Variants in CDH1 observed in about 807,000 individuals in gnomAD.
CDH1 encodes cadherin-1.
CDH1 carries 35 observed loss-of-function variants against 84.5 expected under a neutral mutation model. The ratio of observed to expected loss-of-function variants is 0.41; its 90% CI spans 0.32 to 0.55. CDH1 has a LOEUF of 0.55. CDH1 is among the 20% of genes least tolerant of loss of function. The probability of loss-of-function intolerance (pLI) is 0.19; values close to 1 mark genes in which losing one functional copy is unlikely to be tolerated. For missense variants in CDH1, 994 were observed against 1,126.6 expected, an observed-to-expected ratio of 0.88 and a Z score of 1.68; for synonymous variants, 417 against 439.0, an observed-to-expected ratio of 0.95 and a Z score of 0.63.
chr16:68,782,034 G>T, intron 2 of CDH1, among the ~76,000 whole-genome samples: 1 of 152,194 alleles, frequency 6.6e-6, no homozygotes, highest in Non-Finnish European at 1.5e-5. Flanking sequence ...CCTGAGAAGG[G>T]AGTGGTTGGT....
At chr16:68,741,849 T>C (rs1962572070) in intron 2 of CDH1, among the ~76,000 whole-genome samples, 1 of 152,136 alleles carries the variant, frequency 6.6e-6, no homozygotes, top group Non-Finnish European at 1.5e-5. Flanking sequence ...CTTTGTATTT[T>C]TAGTAGAGAC....
At chr16:68,753,171 C>CACTCCAGAT (rs2152117730) in intron 2 of CDH1, among the ~76,000 whole-genome samples, 1 of 137,128 alleles carries the variant, frequency 7.3e-6, no homozygotes, top group South Asian at 2.4e-4. Context: ...TGAGATCGCG[C>CACTCCAGAT]CACTGCACTC....
chr16:68,737,536 C>T (rs982731529), intron 1 of CDH1, 73 bp downstream of exon 1: 3 of 1,319,468 alleles, frequency 2.3e-6, no homozygotes, highest in Admixed American at 4.0e-5. Flanking sequence ...TGCGCCCCTT[C>T]CTCTCCCGTC....
At chr16:68,753,451 A>C (rs1268265896) in intron 2 of CDH1, among the ~76,000 whole-genome samples, 1 of 151,266 alleles carries the variant, frequency 6.6e-6, no homozygotes, top group Non-Finnish European at 1.5e-5. Flanking sequence ...GGTTCAAGCG[A>C]TTCTCCTGCC....
At chr16:68,749,697 T>C (rs1962838665) in intron 2 of CDH1, among the ~76,000 whole-genome samples, 1 of 152,238 alleles carries the variant, frequency 6.6e-6, no homozygotes, top group African/African-American at 2.4e-5. Context: ...GTTGCACTGC[T>C]TGCCACCAAG....
At chr16:68,739,479 G>A (rs1185431424) in intron 2 of CDH1, among the ~76,000 whole-genome samples, 4 of 152,006 alleles carry the variant, frequency 2.6e-5, no homozygotes, top group Admixed American at 6.6e-5. Context: ...TGCCCATGCT[G>A]GTGTTGAACT....
rs541049055 is a variant in CDH1, at chr16:68,753,410, A to G, written c.163+14999A>G. On this transcript the variant is annotated intron_variant, in intron 2 of 15. Transcript: ENST00000261769. ...CACCCAGGCTGGAGGGCAGTGGTGC[A>G]ATCTTGGCTCACTGCAACCTCTGCC... Among the ~76,000 whole-genome samples, 72 of 149,708 alleles carry G rather than the reference A, an allele frequency of 4.8e-4. No homozygotes were observed. The East Asian group carries it at 9.2e-3, about 19-fold the overall frequency.
At chr16:68,785,920 G>A (rs892988303) in intron 2 of CDH1, among the ~76,000 whole-genome samples, 6 of 152,096 alleles carry the variant, frequency 3.9e-5, no homozygotes, top group Admixed American at 1.3e-4. Context: ...GTTTCACATC[G>A]GAAAATGGGA....
intron 2 of CDH1, among the ~76,000 whole-genome samples, chr16:68,760,075 C>CATATATAT (rs71382069): frequency 4.7e-5 from 6 of 127,546 alleles, no homozygotes; most frequent in African/African-American, 1.1e-4. Context: ...TAAAGTATTC[C>CATATATAT]ATATATATAT....
At chr16:68,787,940 C>T (rs60659378) in intron 2 of CDH1, among the ~76,000 whole-genome samples, 261 of 151,118 alleles carry the variant, frequency 1.7e-3, no homozygotes, top group African/African-American at 5.9e-3. Flanking sequence ...ATTCTCCTGC[C>T]TCAGCCTCCT....
intron 11 of CDH1, 88 bp downstream of exon 11, chr16:68,819,513 C>A: frequency 7.4e-7 from 1 of 1,346,740 alleles, no homozygotes; most frequent in South Asian, 1.2e-5. Context: ...GGGAAGAGTT[C>A]ATTCTTTTTC....
At chr16:68,826,437 C>T (rs1961324450) in intron 13 of CDH1, 1 of 152,148 alleles carries the variant, frequency 6.6e-6, no homozygotes, top group African/African-American at 2.4e-5. Context: ...GTGAGCCACT[C>T]CTCCGGCCAA....
chr16:68,790,245 T>G (rs34097984), intron 2 of CDH1, among the ~76,000 whole-genome samples: 40,961 of 152,040 alleles, frequency 0.27, 5,680 homozygotes, highest in Middle Eastern at 0.32. Flanking sequence ...TGCCCTTTCC[T>G]GCACGGGGCA....
At chr16:68,785,715 C>A (rs941492493) in intron 2 of CDH1, among the ~76,000 whole-genome samples, 1 of 151,696 alleles carries the variant, frequency 6.6e-6, no homozygotes, top group African/African-American at 2.4e-5. Context: ...TCTTGACGAT[C>A]ATTCCCCTGC....
intron 10 of CDH1, 139 bp downstream of exon 10, chr16:68,815,898 C>T (rs868550760): frequency 9.4e-7 from 1 of 1,061,472 alleles, no homozygotes; most frequent in Non-Finnish European, 1.4e-6. Context: ...TTTTTATTCC[C>T]TTTATCTGTG....
Position 68,768,520 on chromosome 16 carries a change from A to G in CDH1, c.163+30109A>G, listed in dbSNP as rs12444784. ...CATTGATATTTGTCATTTTGCAGCT[A>G]ATACATGTTAGTTGTGGGGAAAACT... On this transcript the variant is annotated intron_variant, in intron 2 of 15. Transcript: ENST00000261769. 9.6e-3 allele frequency among the ~76,000 whole-genome samples: 1,464 copies of G among 152,280 alleles called. 54 individuals are homozygous for G. Among genetic ancestry groups the G allele is most frequent in the East Asian group, 0.085 (439 of 5,168 alleles).
At chr16:68,743,334 T>C (rs1381951828) in intron 2 of CDH1, among the ~76,000 whole-genome samples, 1 of 25,824 alleles carries the variant, frequency 3.9e-5, no homozygotes, top group Non-Finnish European at 9.2e-5. Context: ...TTTCTTTCTT[T>C]CTTTCTTTCT....
At chr16:68,814,000 G>A (rs1251673994) in intron 9 of CDH1, among the ~76,000 whole-genome samples, 2 of 152,126 alleles carry the variant, frequency 1.3e-5, no homozygotes, top group Non-Finnish European at 2.9e-5. Context: ...ACTTTGGGAG[G>A]CCAAGGCGGG....
chr16:68,767,540 G>C (rs1423465908), intron 2 of CDH1, among the ~76,000 whole-genome samples: 1 of 152,212 alleles, frequency 6.6e-6, no homozygotes, highest in Non-Finnish European at 1.5e-5. Context: ...GGATTCCCCA[G>C]AGATGGGGAT....
Sources: gnomAD v4.1 joint callset for allele counts (sites outside exome capture counted in the v4.1 genomes callset) on GRCh38, gnomAD v4.1.1 for gene constraint, MANE v1.5 for transcripts, NCBI Gene and HGNC (gene_info 2026-07-23, HGNC 2026-07-21) for gene names.